Variants in KCNIP4 observed in about 807,000 individuals in gnomAD.
The protein encoded by KCNIP4 is Kv channel-interacting protein 4.
In KCNIP4, 12 loss-of-function variants were observed where a neutral mutation model predicts 34.0. The ratio of observed to expected loss-of-function variants is 0.35; its 90% CI spans 0.23 to 0.57. KCNIP4 has a LOEUF of 0.57. Ranked by LOEUF, KCNIP4 falls within the 20% of genes least tolerant of loss-of-function variation. The pLI, the probability that KCNIP4 is intolerant of heterozygous loss-of-function variation, is 0.83. For missense variants in KCNIP4, 238 were observed against 311.7 expected (o/e 0.76, Z 1.78); for synonymous variants, 124 against 102.2 (o/e 1.21, Z -1.29).
intron 1 of KCNIP4, among the ~76,000 whole-genome samples, chr4:21,410,155 C>A (rs1724358153): frequency 6.6e-6 from 1 of 152,158 alleles, no homozygotes; most frequent in Non-Finnish European, 1.5e-5. Flanking sequence ...AACAATGAGA[C>A]CCATGGCTTT....
chr4:21,743,010 C>G (rs1716520617), intron 1 of KCNIP4, among the ~76,000 whole-genome samples: 2 of 152,010 alleles, frequency 1.3e-5, no homozygotes, highest in Admixed American at 1.3e-4. Context: ...TAGGCTGGAG[C>G]AGAAATATCT....
intron 1 of KCNIP4, among the ~76,000 whole-genome samples, chr4:21,592,114 A>G (rs1742268848): frequency 6.6e-6 from 1 of 152,162 alleles, no homozygotes; most frequent in South Asian, 2.1e-4. Context: ...GATCTGACTT[A>G]GAAGTCATTG....
chr4:21,603,261 T>A (rs1487180401), intron 1 of KCNIP4, among the ~76,000 whole-genome samples: 1 of 151,920 alleles, frequency 6.6e-6, no homozygotes, highest in Non-Finnish European at 1.5e-5. Context: ...GACCTTGGAG[T>A]GAAGTTGTAT....
chr4:21,386,980 C>T (rs1722088851), intron 1 of KCNIP4, among the ~76,000 whole-genome samples: 1 of 152,146 alleles, frequency 6.6e-6, no homozygotes, highest in Admixed American at 6.6e-5. Flanking sequence ...GCTAACCCAC[C>T]AGAGAGCGAT....
chr4:20,798,173 A>G (rs183747072), intron 3 of KCNIP4, among the ~76,000 whole-genome samples: 40 of 152,342 alleles, frequency 2.6e-4, no homozygotes, highest in African/African-American at 8.7e-4. Flanking sequence ...AGACAATTTT[A>G]TGACCCTCAC....
intron 1 of KCNIP4, among the ~76,000 whole-genome samples, chr4:21,330,826 TG>T (rs1715558046): frequency 6.6e-6 from 1 of 152,190 alleles, no homozygotes; most frequent in Non-Finnish European, 1.5e-5. Context: ...TGTTTCTTTT[TG>T]CTATTTGTTT....
chr4:21,218,794 G>T (rs1757792539), intron 1 of KCNIP4, among the ~76,000 whole-genome samples: 1 of 152,040 alleles, frequency 6.6e-6, no homozygotes, highest in Admixed American at 6.6e-5. Flanking sequence ...CCTAAACTTA[G>T]GGATTTTGAT....
intron 1 of KCNIP4, among the ~76,000 whole-genome samples, chr4:21,353,505 A>G (rs1274731001): frequency 6.6e-6 from 1 of 152,208 alleles, no homozygotes; most frequent in African/African-American, 2.4e-5. Flanking sequence ...ATGCATACAC[A>G]AGCTTCAATA....
At chr4:21,581,583 A>G (rs1384265194) in intron 1 of KCNIP4, among the ~76,000 whole-genome samples, 1 of 152,050 alleles carries the variant, frequency 6.6e-6, no homozygotes, top group Non-Finnish European at 1.5e-5. Flanking sequence ...TGAAGATAAT[A>G]AATAGTACCT....
chr4:20,843,535 G>T (rs951701188), intron 3 of KCNIP4, among the ~76,000 whole-genome samples: 34 of 152,230 alleles, frequency 2.2e-4, no homozygotes, highest in Middle Eastern at 3.4e-3. Flanking sequence ...TTCTAGACCA[G>T]CCTGGCCAAC....
intron 1 of KCNIP4, among the ~76,000 whole-genome samples, chr4:21,710,148 C>T (rs1305019696): frequency 6.6e-6 from 1 of 152,164 alleles, no homozygotes; most frequent in Non-Finnish European, 1.5e-5. Flanking sequence ...AGATGAATAC[C>T]TCTTTAGCAC....
At chr4:20,931,406 C>G (rs1730455137) in intron 1 of KCNIP4, among the ~76,000 whole-genome samples, 2 of 152,096 alleles carry the variant, frequency 1.3e-5, no homozygotes, top group South Asian at 4.1e-4. Flanking sequence ...ATTTTGTCAT[C>G]ATGTGAACAA....
At chr4:21,190,145 T>C (rs1755519386) in intron 1 of KCNIP4, among the ~76,000 whole-genome samples, 2 of 152,366 alleles carry the variant, frequency 1.3e-5, no homozygotes, top group African/African-American at 4.8e-5. Context: ...TGCAATTCTT[T>C]GGAGTCTCTT....
chr4:20,898,427 C>T (rs1049571860), intron 1 of KCNIP4, among the ~76,000 whole-genome samples: 1 of 152,150 alleles, frequency 6.6e-6, no homozygotes, highest in Non-Finnish European at 1.5e-5. Flanking sequence ...TGGAACACCA[C>T]TAACAATGAA....
chr4:20,849,317 G>C (rs182858898), intron 3 of KCNIP4, among the ~76,000 whole-genome samples: 1 of 152,156 alleles, frequency 6.6e-6, no homozygotes, highest in Admixed American at 6.6e-5. Context: ...AGAAAGCCCA[G>C]GGCAAGGAGA....
intron 1 of KCNIP4, among the ~76,000 whole-genome samples, chr4:20,939,557 A>T (rs1731422381): frequency 6.6e-6 from 1 of 151,950 alleles, no homozygotes; most frequent in Non-Finnish European, 1.5e-5. Context: ...TATTTTTAGT[A>T]GAGACAGGGT....
chr4:21,090,122 C>G (rs542329500), intron 1 of KCNIP4, among the ~76,000 whole-genome samples: 1 of 152,160 alleles, frequency 6.6e-6, no homozygotes, highest in Non-Finnish European at 1.5e-5. Context: ...CCTGCCCATG[C>G]CGTTAGAATT....
chr4:21,375,087 G>A (rs1720841158), intron 1 of KCNIP4, among the ~76,000 whole-genome samples: 1 of 147,672 alleles, frequency 6.8e-6, no homozygotes, highest in African/African-American at 2.7e-5. Context: ...CAAACTTCAT[G>A]CAGATTTAAA....
chr4:21,599,377 A>G (rs1742913418), intron 1 of KCNIP4, among the ~76,000 whole-genome samples: 2 of 152,038 alleles, frequency 1.3e-5, no homozygotes, highest in African/African-American at 4.8e-5. Context: ...TTATAGTACT[A>G]TAATTTCAGA....
Sources: allele counts gnomAD v4.1 joint callset (sites outside exome capture counted in the v4.1 genomes callset), GRCh38; gene constraint gnomAD v4.1.1; transcripts MANE v1.5; gene names NCBI Gene and HGNC (gene_info 2026-07-23, HGNC 2026-07-21).